The following GSE1 variants were observed in gnomAD, a reference collection of about 807,000 sequenced individuals.
GSE1 encodes genetic suppressor element 1.
In GSE1, 32 loss-of-function variants were observed where a neutral mutation model predicts 112.6. That is an observed-to-expected ratio of 0.28 (90% confidence interval 0.21 to 0.38). GSE1 has a LOEUF of 0.38. Among genes scored for constraint, GSE1 ranks in the 10% least tolerant of loss-of-function variants. GSE1 has a pLI of 1.00. For synonymous variants in GSE1, 1,115 were observed against 735.6 expected (o/e 1.52, Z -8.35); for missense variants, 2,348 against 1,699.2 (o/e 1.38, Z -6.71).
At chr16:85,614,519 G>T (rs1376113768) in intron 1 of GSE1, among the ~76,000 whole-genome samples, 3 of 152,004 alleles carry the variant, frequency 2.0e-5, no homozygotes, top group African/African-American at 4.8e-5. Flanking sequence ...GTTCCCAGAT[G>T]GGGGGAAGGG....
chr16:85,505,381 C>T lies in GSE1; in HGVS notation c.2465-128533C>T, dbSNP rs547854037. On this transcript the variant is annotated intron_variant, in intron 2 of 2. Coordinates refer to the GSE1 transcript ENST00000637419. ...CCACACATGCCCACATCAGTCACAG[C>T]GAGTGCTCCTGGGACTGTGATGGTG... 9.2e-5 allele frequency among the ~76,000 whole-genome samples: 14 copies of T among 152,292 alleles called. No individual in the cohort carries two copies. In the South Asian group the frequency reaches 1.2e-3, roughly 14 times the overall value.
chr16:85,577,536 C>T (rs1051148332), intron 1 of GSE1, among the ~76,000 whole-genome samples: 5 of 152,182 alleles, frequency 3.3e-5, no homozygotes. Context: ...CCTGCATGGG[C>T]TCATTTCTCC....
intron 1 of GSE1, among the ~76,000 whole-genome samples, chr16:85,629,416 G>T (rs957975803): frequency 2.0e-5 from 3 of 152,170 alleles, no homozygotes; most frequent in Non-Finnish European, 4.4e-5. Context: ...ACCATACGGT[G>T]CCCCACGTTC....
At chr16:85,568,567 A>G (rs1050240508) in intron 1 of GSE1, among the ~76,000 whole-genome samples, 2 of 152,202 alleles carry the variant, frequency 1.3e-5, no homozygotes, top group Non-Finnish European at 2.9e-5. Flanking sequence ...AGGCTCATGA[A>G]TATTCATCGT....
intron 1 of GSE1, among the ~76,000 whole-genome samples, chr16:85,176,662 G>C (rs1399745388): frequency 6.6e-6 from 1 of 152,268 alleles, no homozygotes; most frequent in Non-Finnish European, 1.5e-5. Flanking sequence ...GCATGCAGCT[G>C]TTTACCTAAC....
chr16:85,598,772 T>C (rs73271211), intron 1 of GSE1, among the ~76,000 whole-genome samples: 9,483 of 152,292 alleles, frequency 0.062, 961 homozygotes, highest in African/African-American at 0.21. Flanking sequence ...TGTCACCTCT[T>C]CCAAAAGTTC....
chr16:85,219,987 T>C (rs1035113343), intron 1 of GSE1, among the ~76,000 whole-genome samples: 4 of 152,204 alleles, frequency 2.6e-5, no homozygotes, highest in Non-Finnish European at 4.4e-5. Flanking sequence ...CCTGCTGCTA[T>C]TTTCAGCTGC....
At chr16:85,355,846 C>T (rs2046939617) in intron 1 of GSE1, among the ~76,000 whole-genome samples, 1 of 152,034 alleles carries the variant, frequency 6.6e-6, no homozygotes, top group African/African-American at 2.4e-5. Context: ...CATAGTGAAA[C>T]CCCATCTCTA....
intron 3 of GSE1, among the ~76,000 whole-genome samples, chr16:85,652,862 T>G (rs1387970622): frequency 6.6e-6 from 1 of 152,008 alleles, no homozygotes; most frequent in African/African-American, 2.4e-5. Flanking sequence ...GTGTTTGGCA[T>G]TTCGTGGCTC....
At chr16:85,580,625 A>G (rs1805252638) in intron 1 of GSE1, among the ~76,000 whole-genome samples, 1 of 152,226 alleles carries the variant, frequency 6.6e-6, no homozygotes, top group Non-Finnish European at 1.5e-5. Flanking sequence ...TCCTTGTCAC[A>G]GGCTGAATGT....
At chr16:85,492,979 G>C (rs2051057296) in intron 2 of GSE1, among the ~76,000 whole-genome samples, 1 of 152,226 alleles carries the variant, frequency 6.6e-6, no homozygotes. Context: ...TATGTGATCG[G>C]TCTGTGGGAA....
intron 2 of GSE1, among the ~76,000 whole-genome samples, chr16:85,421,128 C>T (rs1357414135): frequency 6.6e-6 from 1 of 152,302 alleles, no homozygotes; most frequent in Non-Finnish European, 1.5e-5. Flanking sequence ...ACGCAGTGGG[C>T]GCTGTGAAAG....
chr16:85,286,253 C>T (rs933239702), intron 1 of GSE1, among the ~76,000 whole-genome samples: 1 of 152,196 alleles, frequency 6.6e-6, no homozygotes, highest in Non-Finnish European at 1.5e-5. Flanking sequence ...GGGGTTCAGG[C>T]GGGTCGGCCC....
Position 85,441,530 on chromosome 16 carries a change from C to T in GSE1, c.2464+83887C>T, listed in dbSNP as rs149703392. 9.8e-4 allele frequency among the ~76,000 whole-genome samples: 149 copies of T among 152,320 alleles called. 1 individual carries two copies. The highest frequency in any genetic ancestry group is 3.5e-3 in the African/African-American group (144 of 41,568). ...ATTAGCTGGGCGTAGTGGTGTGCGC[C>T]TGTAATCCCAGCTACTCAGGAGGCT... On this transcript the variant is annotated intron_variant, in intron 2 of 2. Coordinates refer to the GSE1 transcript ENST00000637419.
At chr16:85,253,853 C>G (rs535510203) in intron 1 of GSE1, among the ~76,000 whole-genome samples, 1 of 151,894 alleles carries the variant, frequency 6.6e-6, no homozygotes, top group African/African-American at 2.4e-5. Context: ...GTGGGACAGG[C>G]TGGGTGCTGT....
chr16:85,245,008 ATT>A (rs61081331), intron 1 of GSE1, among the ~76,000 whole-genome samples: 6 of 110,164 alleles, frequency 5.4e-5, no homozygotes, highest in Non-Finnish European at 1.3e-4. Flanking sequence ...AAAAAAAAAA[ATT>A]TTTTTTCCGA....
intron 1 of GSE1, among the ~76,000 whole-genome samples, chr16:85,614,034 C>T (rs2048193129): frequency 6.6e-6 from 1 of 151,640 alleles, no homozygotes; most frequent in African/African-American, 2.4e-5. Flanking sequence ...CCGGGCTCGG[C>T]CGCTTCTCTC....
chr16:85,651,953 C>T (rs2051395145), intron 3 of GSE1, among the ~76,000 whole-genome samples: 1 of 152,226 alleles, frequency 6.6e-6, no homozygotes, highest in South Asian at 2.1e-4. Flanking sequence ...TGTGTCCTTC[C>T]TCGTGCTCCG....
At chr16:85,370,025 C>T (rs1054499042) in intron 2 of GSE1, among the ~76,000 whole-genome samples, 4 of 152,266 alleles carry the variant, frequency 2.6e-5, no homozygotes, top group African/African-American at 7.2e-5. Context: ...TAGTAACTCC[C>T]GAGTTTAGAG....
Sources: gnomAD v4.1 joint callset for allele counts (sites outside exome capture counted in the v4.1 genomes callset) on GRCh38, gnomAD v4.1.1 for gene constraint, MANE v1.5 for transcripts, NCBI Gene and HGNC (gene_info 2026-07-23, HGNC 2026-07-21) for gene names.